SHROOM3: variants seen among roughly 807,000 people sequenced by gnomAD.
SHROOM3 encodes protein Shroom3.
A neutral mutation model predicts 138.6 loss-of-function variants in SHROOM3; 47 were observed. That is an observed-to-expected ratio of 0.34 (90% CI 0.27 to 0.43). The LOEUF is 0.43. Among genes scored for constraint, SHROOM3 ranks in the 20% least tolerant of loss-of-function variants. The pLI is 1.00. For missense variants in SHROOM3, 2,491 were observed against 2,596.5 expected (o/e 0.96, Z 0.88); for synonymous variants, 1,062 against 1,063.3 (o/e 1.00, Z 0.02).
At chr4:76,561,965 C>T (rs1733607016) in intron 2 of SHROOM3, among the ~76,000 whole-genome samples, 1 of 152,070 alleles carries the variant, frequency 6.6e-6, no homozygotes, top group African/African-American at 2.4e-5. Context: ...GAGCCAAGAT[C>T]CCGCCATTGC....
chr4:76,639,888 T>G (rs1735612887), intron 2 of SHROOM3, among the ~76,000 whole-genome samples: 1 of 152,212 alleles, frequency 6.6e-6, no homozygotes, highest in Non-Finnish European at 1.5e-5. Flanking sequence ...TTCTGCAAAC[T>G]TCTTTTTTAA....
Position 76,613,113 on chromosome 4 carries a change from C to T in SHROOM3, c.323+57350C>T, listed in dbSNP as rs546878707. Among the ~76,000 whole-genome samples, 306 of 152,254 alleles carry T rather than the reference C, an allele frequency of 2.0e-3. 2 individuals carry two copies. The highest frequency in any genetic ancestry group is 3.4e-3 in the Middle Eastern group (1 of 294). ...GCAGAAGGGAGAATTCCCAGCATAA[C>T]GAGTTGGTGGGGGCATTGTAGGATA... On this transcript the variant is annotated intron_variant, in intron 2 of 10. Coordinates refer to ENST00000296043, the MANE Select transcript of SHROOM3 (RefSeq NM_020859.4).
rs181953542 is a variant in SHROOM3, at chr4:76,490,502, G to C, written c.168+54282G>C. 2.2e-3 allele frequency among the ~76,000 whole-genome samples: 332 copies of C among 152,156 alleles called. 1 individual carries two copies. Among genetic ancestry groups the C allele is most frequent in the South Asian group, 6.2e-3 (30 of 4,804 alleles). ...AATCTCCTGACCTCGTGATCTGCCTGTCTCGGCCTGTCAAAGTGCTGGGAT... is the reference window on the plus strand; with the variant it reads ...AATCTCCTGACCTCGTGATCTGCCTCTCTCGGCCTGTCAAAGTGCTGGGAT... On this transcript the variant is annotated intron_variant, in intron 1 of 10. Transcript: ENST00000296043.
chr4:76,444,587 C>T (rs1730767367), intron 1 of SHROOM3, among the ~76,000 whole-genome samples: 1 of 150,512 alleles, frequency 6.6e-6, no homozygotes, highest in Non-Finnish European at 1.5e-5. Flanking sequence ...ACCTCCACCT[C>T]CCGGGTTCAA....
intron 2 of SHROOM3, among the ~76,000 whole-genome samples, chr4:76,670,773 CA>C: frequency 6.6e-6 from 1 of 151,996 alleles, no homozygotes; most frequent in Admixed American, 6.5e-5. Context: ...GGCAATATGG[CA>C]AAACCCTCTC....
intron 2 of SHROOM3, among the ~76,000 whole-genome samples, chr4:76,578,934 T>C (rs1733988898): frequency 6.6e-6 from 1 of 152,184 alleles, no homozygotes; most frequent in Non-Finnish European, 1.5e-5. Context: ...TGGCGGCTCA[T>C]GCCTGTAATC....
At chr4:76,686,603 TACTC>T (rs996880129) in intron 2 of SHROOM3, among the ~76,000 whole-genome samples, 4 of 152,172 alleles carry the variant, frequency 2.6e-5, no homozygotes, top group Non-Finnish European at 5.9e-5. Flanking sequence ...TGAAAAAAGA[TACTC>T]ATTCTCACAG....
chr4:76,542,901 T>C (rs1449073414), intron 1 of SHROOM3, among the ~76,000 whole-genome samples: 1 of 152,084 alleles, frequency 6.6e-6, no homozygotes, highest in Non-Finnish European at 1.5e-5. Context: ...CAGGCCTTGG[T>C]AGAAAGGAAT....
chr4:76,636,818 G>A (rs1735510663), intron 2 of SHROOM3, among the ~76,000 whole-genome samples: 1 of 152,232 alleles, frequency 6.6e-6, no homozygotes, highest in South Asian at 2.1e-4. Flanking sequence ...GAGCTGCTGA[G>A]ACAGGCCATG....
rs1026497436 is a variant in SHROOM3, at chr4:76,740,445, C to T, written c.2272C>T (p.Arg758Trp). The T allele has an allele frequency of 9.3e-6, 15 of 1,611,824 alleles. No individual in the cohort carries two copies. The highest frequency in any genetic ancestry group is 4.0e-5 in the African/African-American group (3 of 74,872). ...PSHPHTSSLG[R>W]RGPGPGSASA... ...GCACCCGCACACATCCAGTCTGGGC[C>T]GGAGGGGGCCCGGCCCAGGCAGCGC... Residue 758 changes from arginine (R) to tryptophan (W), a missense_variant, in exon 5 of 11, where the codon CGG becomes TGG. Physicochemically the swap from Arg to Trp is moderately radical, Grantham distance 101 (BLOSUM62 -3). Coordinates refer to ENST00000296043, the MANE Select transcript of SHROOM3 (RefSeq NM_020859.4). The surrounding 1 kb of genome is among the most constrained non-coding windows in gnomAD (Gnocchi z 4.0).
At position 76,741,333 on chromosome 4, in the gene SHROOM3, G is replaced by T. The variant is rs71607374; in HGVS notation, c.3160G>T (p.Val1054Leu). Residue 1054 changes from valine to leucine, a missense_variant, in exon 5 of 11, where the codon GTG becomes TTG. Val to Leu is a conservative substitution (Grantham distance 32, BLOSUM62 1). Coordinates refer to ENST00000296043, the MANE Select transcript of SHROOM3 (RefSeq NM_020859.4). This position sits in a 1 kb window ranked among gnomAD's most constrained non-coding sequence, Gnocchi z 6.2. ...RNGMRFPESSVADRRRLFERD... is the reference protein window; with the variant it reads ...RNGMRFPESSLADRRRLFERD... Reference sequence around the variant, plus strand: ...TGGGATGCGTTTCCCGGAGAGCAGCGTGGCCGACCGGCGCCGTCTCTTCGA... The same window carrying T: ...TGGGATGCGTTTCCCGGAGAGCAGCTTGGCCGACCGGCGCCGTCTCTTCGA... 144,722 of 1,610,922 alleles carry T rather than the reference G, an allele frequency of 0.09. 7,338 individuals carry two copies. The highest frequency in any genetic ancestry group is 0.11 in the Non-Finnish European group (124,591 of 1,179,140).
intron 2 of SHROOM3, among the ~76,000 whole-genome samples, chr4:76,707,737 C>T (rs1332518295): frequency 2.0e-5 from 3 of 152,104 alleles, no homozygotes; most frequent in African/African-American, 7.2e-5. Context: ...GGCTTCCCAA[C>T]ACTCATGCCA....
intron 9 of SHROOM3, among the ~76,000 whole-genome samples, chr4:76,768,440 TTAAA>T (rs1578033296): frequency 1.3e-5 from 2 of 152,170 alleles, no homozygotes; most frequent in East Asian, 1.9e-4. Flanking sequence ...ATAAGAAAAC[TTAAA>T]TAATTAATAT....
chr4:76,675,491 C>T (rs1719004069), intron 2 of SHROOM3, among the ~76,000 whole-genome samples: 1 of 152,098 alleles, frequency 6.6e-6, no homozygotes, highest in Non-Finnish European at 1.5e-5. Flanking sequence ...ACTGTAGGTA[C>T]CCAGAAGAGT....
At position 76,756,804 on chromosome 4, in the gene SHROOM3, G is replaced by A. The variant is rs781348248; in HGVS notation, c.5065G>A (p.Asp1689Asn). The A allele has an allele frequency of 1.9e-6, 3 of 1,614,116 alleles. No individual in the cohort carries two copies. In the South Asian group the frequency reaches 3.3e-5, roughly 18 times the overall value. The change falls in exon 8 of 11, where the codon GAC (aspartate) becomes AAC (asparagine). Residue 1689 changes from aspartate (D) to asparagine (N), a missense_variant. This residue lies in a region of SHROOM3 where 470 missense variants were observed against 595.0 expected (regional missense o/e 0.79). Transcript: ENST00000296043. ...ATCTCTAGCAGACATTTTGGATCCA[G>A]ACTCCAGGCTGAAGACAACAATGGA... is the stretch of plus-strand genomic sequence containing the variant. ...DKSLADILDPDSRLKTTMDLM... is the reference protein window; with the variant it reads ...DKSLADILDPNSRLKTTMDLM...
intron 1 of SHROOM3, among the ~76,000 whole-genome samples, chr4:76,443,050 C>T (rs951553617): frequency 6.6e-6 from 1 of 152,090 alleles, no homozygotes; most frequent in African/African-American, 2.4e-5. Flanking sequence ...CTTTCATATG[C>T]ACATATGTAA....
chr4:76,649,805 C>G lies in SHROOM3; in HGVS notation c.324-60351C>G, dbSNP rs1239431242. ...TTGCTGTGATTGTAATTAGCACAAC[C>G]TTGGTAGGTTGTACATTCCTTAATA... On this transcript the variant is annotated intron_variant, in intron 2 of 10. Coordinates refer to ENST00000296043, the MANE Select transcript of SHROOM3 (RefSeq NM_020859.4). Among the ~76,000 whole-genome samples, 5 of 152,116 alleles carry G rather than the reference C, an allele frequency of 3.3e-5. No homozygotes were observed. The South Asian group carries it at 1.0e-3, about 32-fold the overall frequency.
chr4:76,453,913 G>C (rs570023571), intron 1 of SHROOM3, among the ~76,000 whole-genome samples: 2 of 152,292 alleles, frequency 1.3e-5, no homozygotes, highest in South Asian at 4.1e-4. Flanking sequence ...TTTGTTGTCT[G>C]TGCTTTTGAT....
intron 2 of SHROOM3, among the ~76,000 whole-genome samples, chr4:76,568,144 T>A (rs2110036557): frequency 6.6e-6 from 1 of 152,334 alleles, no homozygotes; most frequent in East Asian, 1.9e-4. Flanking sequence ...GTGCTTGGAA[T>A]GGTTCCTGGC....
Sources: gnomAD v4.1 joint callset for allele counts (sites outside exome capture counted in the v4.1 genomes callset) on GRCh38, gnomAD v4.1.1 for gene constraint, gnomAD v4.1.1 regional missense constraint, Gnocchi (gnomAD v3.1) non-coding constraint, MANE v1.5 for transcripts, NCBI Gene and HGNC (gene_info 2026-07-23, HGNC 2026-07-21) for gene names.